CREB3: variants seen among roughly 807,000 people sequenced by gnomAD.
The protein encoded by CREB3 is cAMP responsive element binding protein 3.
CREB3 carries 29 observed loss-of-function variants against 34.5 expected under a neutral mutation model. The observed-to-expected ratio is 0.84, with a 90% CI of 0.63 to 1.15. CREB3 has a LOEUF of 1.15. Among genes scored for constraint, CREB3 ranks in the 50% most tolerant of loss-of-function variants. The probability of loss-of-function intolerance (pLI) is 0.00; values close to 1 mark genes in which losing one functional copy is unlikely to be tolerated. For missense variants in CREB3, 447 were observed against 443.4 expected (o/e 1.01, Z -0.07); for synonymous variants, 187 against 173.9 (o/e 1.08, Z -0.59).
rs901277916 is a variant in CREB3 at position 35,732,715 on chromosome 9, C to A, written c.-58C>A. 2 of 1,562,006 alleles carry A rather than the reference C, an allele frequency of 1.3e-6. No homozygotes were observed. Among genetic ancestry groups the A allele is most frequent in the Non-Finnish European group, 1.7e-6 (2 of 1,155,640 alleles). On this transcript the variant is annotated 5_prime_UTR_variant, in exon 1 of 9. Transcript: ENST00000353704. This position sits in a 1 kb window ranked among gnomAD's most constrained non-coding sequence, Gnocchi z 5.1. ...CGAGGCCTACAGCTGGCCTGGGGCTCGTGTCTGGGCTTCGGACGTTGGGGC... is the reference window on the plus strand; with the variant it reads ...CGAGGCCTACAGCTGGCCTGGGGCTAGTGTCTGGGCTTCGGACGTTGGGGC...
At chr9:35,735,984 G>A in intron 6 of CREB3, 64 bp from the exon 7 acceptor site, 1 of 1,286,656 alleles carries the variant, frequency 7.8e-7, no homozygotes, top group Non-Finnish European at 1.1e-6. Flanking sequence ...CTGAACAGGA[G>A]TTTCACTGTG....
Position 35,732,805 on chromosome 9 carries a change from C to T in CREB3, c.33C>T (p.Asp11=), listed in dbSNP as rs1826114140. Residue 11 remains aspartate, a synonymous_variant, in exon 1 of 9, where the codon GAC becomes GAT. Coordinates refer to ENST00000353704, the MANE Select transcript of CREB3 (RefSeq NM_006368.5). This position sits in a 1 kb window ranked among gnomAD's most constrained non-coding sequence, Gnocchi z 5.1. ...TGGAATTGGATGCTGGTGACCAAGA[C>T]CTGCTGGCCTTCCTGCTAGAGGAAA... MELELDAGDQ[D]LLAFLLEESG... 6.2e-7 allele frequency: 1 copy of T among 1,613,946 alleles called. No individual in the cohort carries two copies. Among genetic ancestry groups the T allele is most frequent in the African/African-American group, 1.3e-5 (1 of 74,950 alleles).
rs758003511 is a variant in CREB3 at position 35,736,711 on chromosome 9, C to A, written c.1101C>A (p.Asp367Glu). 6.2e-7 allele frequency: 1 copy of A among 1,608,048 alleles called. No homozygotes were observed. The highest frequency in any genetic ancestry group is 8.5e-7 in the Non-Finnish European group (1 of 1,179,546). Residue 367 changes from aspartate (D) to glutamate (E), a missense_variant, in exon 9 of 9, where the codon GAC becomes GAA. By Grantham distance (45) the Asp-to-Glu change is conservative (BLOSUM62 2). Coordinates refer to ENST00000353704, the MANE Select transcript of CREB3 (RefSeq NM_006368.5). ...GTAGCCCCTCTGTCATTTTGCAGGA[C>A]AGATACTCAGGCTAGATATGAGGAT... ...PTGSPSVILQ[D>E]RYSG is the part of the protein sequence containing the mutation.
chr9:35,734,507 G>C (rs1383817628), intron 4 of CREB3, among the ~76,000 whole-genome samples: 3 of 152,028 alleles, frequency 2.0e-5, no homozygotes, highest in Admixed American at 6.5e-5. Context: ...AGCTAAACAG[G>C]GTTTATTCTA....
Position 35,736,030 on chromosome 9 carries a change from G to A in CREB3, c.612-18G>A. ...CTAGGCCAGGGGATGCTCACTATTGGCCCCTCTCTTCCTCTAGGTCCCTTC... is the reference window on the plus strand; with the variant it reads ...CTAGGCCAGGGGATGCTCACTATTGACCCCTCTCTTCCTCTAGGTCCCTTC... On this transcript the variant is annotated intron_variant, in intron 6 of 8. Transcript: ENST00000353704. 4 of 1,597,944 alleles carry A rather than the reference G, an allele frequency of 2.5e-6. No homozygotes were observed. Among genetic ancestry groups the A allele is most frequent in the Non-Finnish European group, 3.4e-6 (4 of 1,165,390 alleles).
In CREB3 at chr9:35,735,371, A is replaced by C. The variant is rs1826180943; in HGVS notation, c.608A>C (p.Asn203Thr). 1.9e-6 allele frequency: 3 copies of C among 1,613,180 alleles called. No individual in the cohort carries two copies. Among genetic ancestry groups the C allele is most frequent in the Non-Finnish European group, 2.5e-6 (3 of 1,179,280 alleles). Residue 203 changes from asparagine to threonine, a missense_variant, in exon 6 of 9, where the codon AAT becomes ACT. Coordinates refer to ENST00000353704, the MANE Select transcript of CREB3 (RefSeq NM_006368.5). ...QNKVQLLEEQ[N>T]LSLLDQLRKL... ...AAAGTACAGCTTCTGGAGGAACAGA[A>C]TTTGTAAGTATCCCTCCAAACCATT...
chr9:35,736,703 T>C lies in CREB3; in HGVS notation c.1093T>C (p.Leu365=), dbSNP rs1563953150. 4 of 1,609,802 alleles carry C rather than the reference T, an allele frequency of 2.5e-6. No individual in the cohort carries two copies. The highest frequency in any genetic ancestry group is 1.1e-5 in the South Asian group (1 of 91,060). ...TCCTACTGGTAGCCCCTCTGTCATTTTGCAGGACAGATACTCAGGCTAGAT... is the reference window on the plus strand; with the variant it reads ...TCCTACTGGTAGCCCCTCTGTCATTCTGCAGGACAGATACTCAGGCTAGAT... ...WLPTGSPSVI[L]QDRYSG The change falls in exon 9 of 9, where the codon TTG becomes CTG. Residue 365 remains leucine, a synonymous_variant. Coordinates refer to ENST00000353704, the MANE Select transcript of CREB3 (RefSeq NM_006368.5).
chr9:35,736,458 A>G lies in CREB3; in HGVS notation c.848A>G (p.Gln283Arg), dbSNP rs368467510. The G allele has an allele frequency of 6.2e-6, 10 of 1,614,024 alleles. No homozygotes were observed. The highest frequency in any genetic ancestry group is 5.3e-5 in the African/African-American group (4 of 74,914). ...DPYQLELPALQSEVPKDSTHQ... is the reference protein window; with the variant it reads ...DPYQLELPALRSEVPKDSTHQ... ...TACCAGCTGGAGCTGCCTGCCCTGC[A>G]GTCAGAAGTGCCGAAAGACAGCACA... Residue 283 changes from glutamine (Q) to arginine (R), a missense_variant, in exon 9 of 9, where the codon CAG (glutamine) becomes CGG (arginine). By Grantham distance (43) the Gln-to-Arg change is conservative (BLOSUM62 1). Coordinates refer to ENST00000353704, the MANE Select transcript of CREB3 (RefSeq NM_006368.5).
In CREB3 at chr9:35,732,707, C is replaced by G. The variant is rs1041161229; in HGVS notation, c.-66C>G. On this transcript the variant is annotated 5_prime_UTR_variant, in exon 1 of 9. Transcript: ENST00000353704. The surrounding 1 kb of genome is among the most constrained non-coding windows in gnomAD (Gnocchi z 5.1). ...TAGGTGCCCGAGGCCTACAGCTGGC[C>G]TGGGGCTCGTGTCTGGGCTTCGGAC... The G allele has an allele frequency of 5.8e-6, 9 of 1,557,040 alleles. No homozygotes were observed. The highest frequency in any genetic ancestry group is 7.8e-6 in the Non-Finnish European group (9 of 1,153,396).
chr9:35,735,739 A>G (rs912094979), intron 6 of CREB3, among the ~76,000 whole-genome samples: 1 of 152,186 alleles, frequency 6.6e-6, no homozygotes, highest in Admixed American at 6.5e-5. Context: ...AACATAGAAA[A>G]TGCCTGGTGA....
At position 35,736,486 on chromosome 9, in the gene CREB3, C is replaced by A; in HGVS notation, c.876C>A (p.His292Gln). Reference sequence around the variant, plus strand: ...CAGAAGTGCCGAAAGACAGCACACACCAGTGGTTGGACGGCTCAGACTGTG... The same window carrying A: ...CAGAAGTGCCGAAAGACAGCACACAACAGTGGTTGGACGGCTCAGACTGTG... Reference protein sequence around the residue: ...LQSEVPKDSTHQWLDGSDCVL... With the variant: ...LQSEVPKDSTQQWLDGSDCVL... The change falls in exon 9 of 9, where the codon CAC (histidine) becomes CAA (glutamine). Residue 292 changes from histidine to glutamine, a missense_variant. By Grantham distance (24) the His-to-Gln change is conservative. Coordinates refer to ENST00000353704, the MANE Select transcript of CREB3 (RefSeq NM_006368.5). 1.2e-6 allele frequency: 2 copies of A among 1,614,196 alleles called. No homozygotes were observed. Among genetic ancestry groups the A allele is most frequent in the Non-Finnish European group, 1.7e-6 (2 of 1,180,038 alleles).
rs1013037877 is a variant in CREB3, at chr9:35,736,991, T to A, written c.*265T>A. ...ACAGGTGAGGAAAGAAATAAATAAG[T>A]GATTCTAATGCTGCCTAGGTCACCC... is the stretch of plus-strand genomic sequence containing the variant. On this transcript the variant is annotated 3_prime_UTR_variant, in exon 9 of 9. Transcript: ENST00000353704. 2 of 968,818 alleles carry A rather than the reference T, an allele frequency of 2.1e-6. No individual in the cohort carries two copies. The highest frequency in any genetic ancestry group is 1.5e-6 in the Non-Finnish European group (1 of 670,556). 60.0% of individuals were successfully genotyped at this position (968,818 alleles called of 1,614,324 possible). A position where few individuals can be genotyped will look rare whatever the true frequency, so the allele number is the denominator to read the frequency against.
Position 35,733,278 on chromosome 9 carries a change from A to G in CREB3, c.341A>G (p.Glu114Gly). Residue 114 changes from glutamate (E) to glycine (G), a missense_variant, in exon 3 of 9, where the codon GAG becomes GGG. Transcript: ENST00000353704. ...CCACAGCATATGGAGGAGCTGGCAG[A>G]GCAGGTACTTGACTTGATTTTCAGG... ...MTPQHMEELA[E>G]QEIARLVLTD... 1 of 1,614,218 alleles carries G rather than the reference A, an allele frequency of 6.2e-7. No homozygotes were observed. Among genetic ancestry groups the G allele is most frequent in the Non-Finnish European group, 8.5e-7 (1 of 1,180,044 alleles).
In CREB3 at chr9:35,736,693, C is replaced by G; in HGVS notation, c.1083C>G (p.Pro361=). The G allele has an allele frequency of 6.2e-7, 1 of 1,611,200 alleles. No individual in the cohort carries two copies. Among genetic ancestry groups the G allele is most frequent in the East Asian group, 2.2e-5 (1 of 44,882 alleles). The change falls in exon 9 of 9, where the codon CCC becomes CCG. Residue 361 remains proline, a synonymous_variant. Transcript: ENST00000353704. ...RKGGWLPTGS[P]SVILQDRYSG ...GAGGATGGCTTCCTACTGGTAGCCC[C>G]TCTGTCATTTTGCAGGACAGATACT...
intron 3 of CREB3, 35 bp from the exon 4 acceptor site, chr9:35,733,361 C>G: frequency 1.9e-6 from 3 of 1,608,800 alleles, no homozygotes; most frequent in Non-Finnish European, 1.7e-6. Context: ...TCTGACATCC[C>G]CATGCAACTG....
chr9:35,736,399 C>T lies in CREB3; in HGVS notation c.789C>T (p.Ser263=), dbSNP rs1289458248. ...GATTCTTTGTCTCCTCAGTGTTGTCCCGCCAGCTTCGTGCCCTCCCCAGTG... is the reference window on the plus strand; with the variant it reads ...GATTCTTTGTCTCCTCAGTGTTGTCTCGCCAGCTTCGTGCCCTCCCCAGTG... ...GSLPAEHGVL[S]RQLRALPSED... Residue 263 remains serine (S), a synonymous_variant, in exon 9 of 9, where the codon TCC becomes TCT. Coordinates refer to ENST00000353704, the MANE Select transcript of CREB3 (RefSeq NM_006368.5). 1.9e-6 allele frequency: 3 copies of T among 1,613,846 alleles called. No homozygotes were observed. The highest frequency in any genetic ancestry group is 1.7e-5 in the Admixed American group (1 of 60,016).
rs368650636 is a variant in CREB3 at position 35,735,106 on chromosome 9, C to A, written c.436-3C>A. On this transcript the variant is annotated splice_region_variant and splice_polypyrimidine_tract_variant and intron_variant, in intron 4 of 8. Transcript: ENST00000353704. ...TGATATCCCTTTCCCTGTTTCCTTTCAGACAGAGGAACAAATTCTGAAACG... is the reference window on the plus strand; with the variant it reads ...TGATATCCCTTTCCCTGTTTCCTTTAAGACAGAGGAACAAATTCTGAAACG... The A allele has an allele frequency of 5.0e-5, 80 of 1,598,108 alleles. No homozygotes were observed. The African/African-American group carries it at 9.0e-4, about 18-fold the overall frequency.
chr9:35,735,021 T>G (rs959861887), intron 4 of CREB3, 88 bp from the exon 5 acceptor site: 1 of 1,083,996 alleles, frequency 9.2e-7, no homozygotes, highest in Admixed American at 2.8e-5. Flanking sequence ...AAGGGATTTC[T>G]GTATTGGAAA....
chr9:35,736,683 C>T lies in CREB3; in HGVS notation c.1073C>T (p.Thr358Ile). The change falls in exon 9 of 9, where the codon ACT (threonine) becomes ATT (isoleucine). Residue 358 changes from threonine (T) to isoleucine (I), a missense_variant. Transcript: ENST00000353704. Reference protein sequence around the residue: ...NLTRKGGWLPTGSPSVILQDR... With the variant: ...NLTRKGGWLPIGSPSVILQDR... Reference sequence around the variant, plus strand: ...ACAAGGAAGGGAGGATGGCTTCCTACTGGTAGCCCCTCTGTCATTTTGCAG... The same window carrying T: ...ACAAGGAAGGGAGGATGGCTTCCTATTGGTAGCCCCTCTGTCATTTTGCAG... 1.2e-6 allele frequency: 2 copies of T among 1,611,990 alleles called. No homozygotes were observed. The highest frequency in any genetic ancestry group is 1.7e-6 in the Non-Finnish European group (2 of 1,179,958).
Sources: gnomAD v4.1 joint callset for allele counts (sites outside exome capture counted in the v4.1 genomes callset) on GRCh38, gnomAD v4.1.1 for gene constraint, Gnocchi (gnomAD v3.1) non-coding constraint, MANE v1.5 for transcripts, NCBI Gene and HGNC (gene_info 2026-07-23, HGNC 2026-07-21) for gene names.